CFAP57: variants seen among roughly 807,000 people sequenced by gnomAD.
CFAP57 encodes the protein cilia and flagella associated protein 57.
CFAP57 carries 116 observed loss-of-function variants against 146.8 expected under a neutral mutation model. The ratio of observed to expected loss-of-function variants is 0.79; its 90% CI spans 0.68 to 0.92. CFAP57 has a LOEUF of 0.92. Among genes scored for constraint, CFAP57 ranks in the 40% least tolerant of loss-of-function variants. The pLI, the probability that CFAP57 is intolerant of heterozygous loss-of-function variation, is 0.00. For missense variants in CFAP57, 1,377 were observed against 1,527.2 expected (o/e 0.90, Z 1.64); for synonymous variants, 518 against 552.8 (o/e 0.94, Z 0.88).
chr1:43,202,310 G>A (rs1421478282), intron 9 of CFAP57, among the ~76,000 whole-genome samples: 1 of 152,124 alleles, frequency 6.6e-6, no homozygotes, highest in East Asian at 1.9e-4. Flanking sequence ...AAGAGCAGAA[G>A]TTAATAAAAT....
chr1:43,224,464 G>A (rs1360460814), intron 17 of CFAP57, among the ~76,000 whole-genome samples: 1 of 152,226 alleles, frequency 6.6e-6, no homozygotes, highest in Non-Finnish European at 1.5e-5. Flanking sequence ...CCAAGAGGCT[G>A]GGTATCTTGC....
rs1229728481 is a variant in CFAP57, at chr1:43,249,048, A to ATT, written c.3539-4911_3539-4910dup. Among the ~76,000 whole-genome samples, 1,029 of 123,910 alleles carry ATT rather than the reference A, an allele frequency of 8.3e-3. 17 individuals carry two copies. The highest frequency in any genetic ancestry group is 0.011 in the South Asian group (43 of 3,792). The allele number at this position is 123,910 out of a possible 152,430, so 81.3% of individuals were successfully genotyped here. ...AGGCACCCACCACCACTCCCAGCTA[A>ATT]TTTTTTTTTTTTTTTTTTTGTATTT... On this transcript the variant is annotated intron_variant, in intron 22 of 22. Transcript: ENST00000372492.
In CFAP57 at chr1:43,183,661, T is replaced by A. The variant is rs1467579063; in HGVS notation, c.545T>A (p.Phe182Tyr). 4 of 1,614,254 alleles carry A rather than the reference T, an allele frequency of 2.5e-6. No individual in the cohort carries two copies. Among genetic ancestry groups the A allele is most frequent in the Non-Finnish European group, 3.4e-6 (4 of 1,180,046 alleles). ...TGNGMFKLLR[F>Y]AEGTLKQTSF... is the part of the protein sequence containing the mutation. The stretch of plus-strand genomic sequence containing the variant: ...AATGGGATGTTTAAGCTTCTCCGTT[T>A]TGCTGAGGGAACCCTGAAGCAAACC... Residue 182 changes from phenylalanine to tyrosine, a missense_variant, in exon 4 of 23, where the codon TTT (phenylalanine) becomes TAT (tyrosine). Coordinates refer to ENST00000372492, the MANE Select transcript of CFAP57 (RefSeq NM_001378189.1).
At chr1:43,208,131 A>G (rs1370404344) in intron 10 of CFAP57, among the ~76,000 whole-genome samples, 3 of 152,228 alleles carry the variant, frequency 2.0e-5, no homozygotes, top group Non-Finnish European at 4.4e-5. Context: ...AATGGCAATC[A>G]TTAAAAAGTC....
chr1:43,194,094 T>TTC (rs1643714533), intron 6 of CFAP57, among the ~76,000 whole-genome samples: 1 of 152,152 alleles, frequency 6.6e-6, no homozygotes, highest in Non-Finnish European at 1.5e-5. Flanking sequence ...CTATCTGGAG[T>TTC]AACTTGCTTT....
intron 18 of CFAP57, among the ~76,000 whole-genome samples, chr1:43,229,850 T>C (rs1452034971): frequency 6.6e-6 from 1 of 152,012 alleles, no homozygotes. Context: ...CTATCCAGGA[T>C]GTTAAAACTA....
At chr1:43,185,515 T>C (rs973320468) in intron 5 of CFAP57, among the ~76,000 whole-genome samples, 159 bp downstream of exon 5, 10 of 151,560 alleles carry the variant, frequency 6.6e-5, no homozygotes, top group African/African-American at 2.4e-4. Flanking sequence ...CTGAGAGAGA[T>C]TTTAGGATGA....
chr1:43,215,198 A>C, intron 11 of CFAP57, 57 bp from the exon 12 acceptor site: 1 of 1,547,262 alleles, frequency 6.5e-7, no homozygotes, highest in Non-Finnish European at 8.7e-7. Flanking sequence ...CAGCTGGCTC[A>C]GCCCTGGTCA....
chr1:43,236,052 G>T (rs1162176304), intron 21 of CFAP57, among the ~76,000 whole-genome samples: 2 of 135,912 alleles, frequency 1.5e-5, no homozygotes, highest in Non-Finnish European at 3.1e-5. Context: ...GCTGGGCCAG[G>T]GTGGGGTAGA....
chr1:43,223,898 T>C, intron 16 of CFAP57, 148 bp from the exon 17 acceptor site: 1 of 935,156 alleles, frequency 1.1e-6, no homozygotes, highest in Middle Eastern at 2.7e-4. Context: ...AGATATTCAC[T>C]CCTAAAATCC....
chr1:43,183,917 T>A, intron 4 of CFAP57, 40 bp downstream of exon 4: 1 of 1,611,634 alleles, frequency 6.2e-7, no homozygotes, highest in Non-Finnish European at 8.5e-7. Context: ...ACATTCATTG[T>A]ACTGACAGCA....
Position 43,183,624 on chromosome 1 carries a change from T to G in CFAP57, c.508T>G (p.Cys170Gly), listed in dbSNP as rs752337531. 6.2e-7 allele frequency: 1 copy of G among 1,614,210 alleles called. No individual in the cohort carries two copies. The highest frequency in any genetic ancestry group is 2.2e-5 in the East Asian group (1 of 44,888). The change falls in exon 4 of 23, where the codon TGT becomes GGT. Residue 170 changes from cysteine to glycine, a missense_variant. Physicochemically the swap from Cys to Gly is radical, Grantham distance 159. Transcript: ENST00000372492. ...CAGTCCACAGGATAACACTCAGGTG[T>G]GTGTCACTGGAAATGGGATGTTTAA... Reference protein sequence around the residue: ...SFSPQDNTQVCVTGNGMFKLL... With the variant: ...SFSPQDNTQVGVTGNGMFKLL...
At chr1:43,195,884 G>A (rs962522567) in intron 6 of CFAP57, among the ~76,000 whole-genome samples, 1 of 152,118 alleles carries the variant, frequency 6.6e-6, no homozygotes, top group African/African-American at 2.4e-5. Flanking sequence ...AAAGAAAGGA[G>A]CGAAATAAAA....
intron 6 of CFAP57, among the ~76,000 whole-genome samples, chr1:43,194,101 C>A (rs1643715451): frequency 6.6e-6 from 1 of 152,074 alleles, no homozygotes; most frequent in Non-Finnish European, 1.5e-5. Context: ...GAGTAACTTG[C>A]TTTCAACCTA....
At chr1:43,253,431 G>A (rs528890594) in intron 22 of CFAP57, among the ~76,000 whole-genome samples, 60 of 152,294 alleles carry the variant, frequency 3.9e-4, no homozygotes, top group Non-Finnish European at 6.3e-4. Context: ...TCAGCCTTGC[G>A]GGGCAGGGGT....
intron 2 of CFAP57, among the ~76,000 whole-genome samples, chr1:43,180,885 A>G (rs1645377453): frequency 6.6e-6 from 1 of 151,958 alleles, no homozygotes; most frequent in Non-Finnish European, 1.5e-5. Context: ...ACCCCATCTC[A>G]CATGCAATGC....
intron 22 of CFAP57, among the ~76,000 whole-genome samples, chr1:43,247,890 C>A (rs1387004938): frequency 1.3e-5 from 2 of 152,084 alleles, no homozygotes; most frequent in African/African-American, 4.8e-5. Context: ...CTTTGGGAGG[C>A]CAACGTGGGT....
chr1:43,236,110 G>A (rs3862224), intron 21 of CFAP57, among the ~76,000 whole-genome samples: 1,773 of 152,144 alleles, frequency 0.012, 28 homozygotes, highest in African/African-American at 0.041. Flanking sequence ...GCCACTCCCT[G>A]ATGGCTGGCA....
At chr1:43,249,989 A>G (rs1246916274) in intron 22 of CFAP57, among the ~76,000 whole-genome samples, 1 of 152,206 alleles carries the variant, frequency 6.6e-6, no homozygotes, top group Non-Finnish European at 1.5e-5. Context: ...AACCCAAACA[A>G]AAATGTATGC....
Sources: gnomAD v4.1 joint callset for allele counts (sites outside exome capture counted in the v4.1 genomes callset) on GRCh38, gnomAD v4.1.1 for gene constraint, MANE v1.5 for transcripts, NCBI Gene and HGNC (gene_info 2026-07-23, HGNC 2026-07-21) for gene names.